Variants in OSBPL10 observed in about 807,000 individuals in gnomAD.
OSBPL10 encodes the protein oxysterol-binding protein-related protein 10.
Under a neutral mutation model 81.7 loss-of-function variants are expected in OSBPL10, and 49 were observed. That is an observed-to-expected ratio of 0.60 (90% CI 0.48 to 0.76). OSBPL10 has a LOEUF of 0.76. OSBPL10 is among the 30% of genes least tolerant of loss of function. The probability of loss-of-function intolerance (pLI) is 0.00; values close to 1 mark genes in which losing one functional copy is unlikely to be tolerated. For synonymous variants in OSBPL10, 419 were observed against 383.6 expected, an observed-to-expected ratio of 1.09 and a Z score of -1.08; for missense variants, 923 against 987.8, an observed-to-expected ratio of 0.93 and a Z score of 0.88.
intron 1 of OSBPL10, among the ~76,000 whole-genome samples, chr3:31,890,751 ATTAACTC>A (rs1200481239): frequency 1.3e-5 from 2 of 152,134 alleles, no homozygotes; most frequent in Non-Finnish European, 2.9e-5. Context: ...CCTCTGAACT[ATTAACTC>A]TTGAGTTTCT....
intron 3 of OSBPL10, among the ~76,000 whole-genome samples, chr3:31,833,230 G>T (rs965281902): frequency 1.3e-5 from 2 of 152,048 alleles, no homozygotes; most frequent in African/African-American, 4.8e-5. Flanking sequence ...TTTTTCCCTG[G>T]GCTTTGAAGC....
At chr3:31,994,379 T>G (rs1402010247) in intron 2 of OSBPL10, among the ~76,000 whole-genome samples, 2 of 152,124 alleles carry the variant, frequency 1.3e-5, no homozygotes, top group East Asian at 3.8e-4. Context: ...ATAGTGAAAT[T>G]TATTAAATGT....
In OSBPL10 at chr3:31,900,043, T is replaced by TA. The variant is rs1553638777; in HGVS notation, c.282-20214dup. ...AATAAAACTTTTTTTTTTTTTTTTTTAAGACAGGGTCTGGCTCTGTCACCC... is the reference window on the plus strand; with the variant it reads ...AATAAAACTTTTTTTTTTTTTTTTTTAAAGACAGGGTCTGGCTCTGTCACCC... On this transcript the variant is annotated intron_variant, in intron 1 of 11. Coordinates refer to ENST00000396556, the MANE Select transcript of OSBPL10 (RefSeq NM_017784.5). Among the ~76,000 whole-genome samples, 6 of 150,634 alleles carry TA rather than the reference T, an allele frequency of 4.0e-5. No individual in the cohort carries two copies. In the East Asian group the frequency reaches 7.8e-4, roughly 20 times the overall value.
rs1402278710 is a variant in OSBPL10, at chr3:32,021,774, G to A, written n.298+24717C>T. Among the ~76,000 whole-genome samples, 3 of 151,840 alleles carry A rather than the reference G, an allele frequency of 2.0e-5. No individual in the cohort carries two copies. The East Asian group carries it at 5.8e-4, about 29-fold the overall frequency. The stretch of plus-strand genomic sequence containing the variant: ...AGATAGCTTGAGCCCAGGAGTTTGA[G>A]ACCAGCATGGGCAACATAAGCAAAA... On this transcript the variant is annotated intron_variant and non_coding_transcript_variant, in intron 2 of 3. Transcript: ENST00000479173.
At chr3:31,796,369 C>T (rs903361319) in intron 4 of OSBPL10, among the ~76,000 whole-genome samples, 7 of 151,828 alleles carry the variant, frequency 4.6e-5, no homozygotes, top group African/African-American at 1.5e-4. Flanking sequence ...TTCCTTGCCC[C>T]GCCCCCCCAA....
intron 3 of OSBPL10, among the ~76,000 whole-genome samples, chr3:31,855,415 G>A (rs556522265): frequency 1.3e-5 from 2 of 152,204 alleles, no homozygotes; most frequent in South Asian, 4.2e-4. Flanking sequence ...AGTCCATGTA[G>A]GATATATTTT....
At chr3:31,850,179 TAAA>T (rs1382871381) in intron 3 of OSBPL10, among the ~76,000 whole-genome samples, 1 of 150,956 alleles carries the variant, frequency 6.6e-6, no homozygotes, top group Non-Finnish European at 1.5e-5. Context: ...AGAAAAAAAT[TAAA>T]AACTAGCTGG....
At chr3:31,668,904 ATTT>A (rs376063579) in intron 9 of OSBPL10, 80 bp from the exon 10 acceptor site, 8 of 1,097,474 alleles carry the variant, frequency 7.3e-6, no homozygotes, top group Non-Finnish European at 9.7e-6. Flanking sequence ...ATCTCTAGAG[ATTT>A]TTTTTTTTAA....
At chr3:31,801,009 T>TG (rs1699364369) in intron 4 of OSBPL10, among the ~76,000 whole-genome samples, 1 of 151,900 alleles carries the variant, frequency 6.6e-6, no homozygotes, top group Non-Finnish European at 1.5e-5. Flanking sequence ...AGTGGTCTTT[T>TG]TTTTTTAATA....
At chr3:31,882,083 A>G (rs1290258031) in intron 1 of OSBPL10, among the ~76,000 whole-genome samples, 1 of 152,224 alleles carries the variant, frequency 6.6e-6, no homozygotes, top group Non-Finnish European at 1.5e-5. Flanking sequence ...AATGAAGCTG[A>G]AAGCTCCTTT....
At chr3:32,035,600 C>G (rs891801052) in intron 2 of OSBPL10, among the ~76,000 whole-genome samples, 1 of 146,514 alleles carries the variant, frequency 6.8e-6, no homozygotes, top group Non-Finnish European at 1.5e-5. Context: ...CATGTTAATT[C>G]ATAAAATAGG....
chr3:32,075,695 A>G (rs6767622), intron 1 of OSBPL10, among the ~76,000 whole-genome samples: 108,056 of 151,918 alleles, frequency 0.71, 40,367 homozygotes, highest in East Asian at 0.89. Context: ...ATCTCTCCAT[A>G]CCACCTCCAA....
At chr3:31,794,215 C>G (rs113513180) in intron 4 of OSBPL10, among the ~76,000 whole-genome samples, 16,968 of 152,226 alleles carry the variant, frequency 0.11, 1,637 homozygotes, top group African/African-American at 0.27. Flanking sequence ...CACAATCTCA[C>G]CTCACTGTAA....
chr3:31,791,406 A>G (rs988329178), intron 4 of OSBPL10, among the ~76,000 whole-genome samples: 1 of 152,248 alleles, frequency 6.6e-6, no homozygotes, highest in Non-Finnish European at 1.5e-5. Flanking sequence ...AGAGTTATAA[A>G]GAAAGACTAG....
intron 3 of OSBPL10, among the ~76,000 whole-genome samples, chr3:31,856,599 C>G (rs760359425): frequency 1.5e-4 from 23 of 152,228 alleles, no homozygotes; most frequent in Non-Finnish European, 2.9e-4. Flanking sequence ...TATCCTCATA[C>G]TCTGCTTTTC....
intron 2 of OSBPL10, among the ~76,000 whole-genome samples, chr3:31,986,608 T>C (rs962596019): frequency 1.3e-5 from 2 of 152,158 alleles, no homozygotes; most frequent in East Asian, 3.9e-4. Context: ...GTTTATATTT[T>C]TTTATACGAA....
At chr3:31,750,176 A>G (rs1178169353) in intron 4 of OSBPL10, among the ~76,000 whole-genome samples, 1 of 152,136 alleles carries the variant, frequency 6.6e-6, no homozygotes, top group African/African-American at 2.4e-5. Context: ...AGCAAGACTC[A>G]GTCTCCAAAA....
At chr3:31,989,657 A>G (rs1346601528) in intron 2 of OSBPL10, 2 of 1,614,140 alleles carry the variant, frequency 1.2e-6, no homozygotes, top group East Asian at 4.5e-5. Flanking sequence ...CTAACGTCCC[A>G]AAGAATTTCT....
intron 4 of OSBPL10, among the ~76,000 whole-genome samples, chr3:31,785,025 T>C (rs1698826972): frequency 6.6e-6 from 1 of 151,970 alleles, no homozygotes; most frequent in Non-Finnish European, 1.5e-5. Context: ...GCTGGAATTA[T>C]AGGTACCTGC....
Sources: allele counts gnomAD v4.1 joint callset (sites outside exome capture counted in the v4.1 genomes callset), GRCh38; gene constraint gnomAD v4.1.1; transcripts MANE v1.5; gene names NCBI Gene and HGNC (gene_info 2026-07-23, HGNC 2026-07-21).